GPR158: variants seen among roughly 807,000 people sequenced by gnomAD.
The protein encoded by GPR158 is G protein-coupled receptor 158, also known as metabotropic glycine receptor.
In GPR158, 30 loss-of-function variants were observed where a neutral mutation model predicts 78.2. That is an observed-to-expected ratio of 0.38 (90% CI 0.29 to 0.52). The LOEUF (loss-of-function observed/expected upper bound fraction) is 0.52. GPR158 is among the 20% of genes least tolerant of loss of function. The pLI is 0.83. For missense variants in GPR158, 1,463 were observed against 1,523.5 expected (o/e 0.96, Z 0.66); for synonymous variants, 581 against 591.1 (o/e 0.98, Z 0.25).
At chr10:25,404,868 A>T (rs1304233346) in intron 3 of GPR158, among the ~76,000 whole-genome samples, 3 of 152,090 alleles carry the variant, frequency 2.0e-5, no homozygotes. Context: ...TCAGTCATGG[A>T]AAGCTCTCCA....
intron 1 of GPR158, among the ~76,000 whole-genome samples, chr10:25,186,162 C>T (rs141498903): frequency 6.6e-6 from 1 of 152,152 alleles, no homozygotes; most frequent in Non-Finnish European, 1.5e-5. Context: ...TAAAGATGTT[C>T]TTTGAAACAA....
intron 6 of GPR158, among the ~76,000 whole-genome samples, chr10:25,565,873 G>C (rs1380207109): frequency 6.6e-6 from 1 of 152,150 alleles, no homozygotes; most frequent in African/African-American, 2.4e-5. Flanking sequence ...CCAAGTGAAA[G>C]TACAAAGCTT....
chr10:25,284,780 C>G (rs1250481603), intron 2 of GPR158, among the ~76,000 whole-genome samples: 3 of 151,760 alleles, frequency 2.0e-5, no homozygotes, highest in African/African-American at 7.3e-5. Flanking sequence ...TCCATTCTTT[C>G]AAATATTTTA....
chr10:25,487,059 A>G (rs1013134749), intron 5 of GPR158, among the ~76,000 whole-genome samples: 1 of 152,094 alleles, frequency 6.6e-6, no homozygotes, highest in Non-Finnish European at 1.5e-5. Context: ...CCCCTTTTAA[A>G]TGGGAATCAC....
At chr10:25,228,997 T>C (rs1414323688) in intron 2 of GPR158, among the ~76,000 whole-genome samples, 1 of 147,704 alleles carries the variant, frequency 6.8e-6, no homozygotes, top group Non-Finnish European at 1.5e-5. Flanking sequence ...ATCGTGCCAC[T>C]GCACTCCAGC....
chr10:25,507,792 C>T (rs1836032489), intron 5 of GPR158, among the ~76,000 whole-genome samples: 1 of 152,180 alleles, frequency 6.6e-6, no homozygotes, highest in Admixed American at 6.5e-5. Flanking sequence ...TCCTTTGACA[C>T]ACAAAAGAAG....
At chr10:25,323,543 G>C (rs1488343963) in intron 2 of GPR158, among the ~76,000 whole-genome samples, 1 of 128,084 alleles carries the variant, frequency 7.8e-6, no homozygotes, top group African/African-American at 3.3e-5. Flanking sequence ...TTTTTTTTTT[G>C]AGAAACATGG....
chr10:25,525,626 G>A (rs191142935), intron 5 of GPR158, among the ~76,000 whole-genome samples: 1 of 152,306 alleles, frequency 6.6e-6, no homozygotes, highest in Non-Finnish European at 1.5e-5. Context: ...TATAAAGACA[G>A]AAAGTAGACT....
chr10:25,271,479 C>A (rs763633083), intron 2 of GPR158, among the ~76,000 whole-genome samples: 2 of 152,002 alleles, frequency 1.3e-5, no homozygotes. Context: ...ATTGACATAC[C>A]GTCTGATTTT....
intron 4 of GPR158, among the ~76,000 whole-genome samples, chr10:25,454,790 T>C (rs1017250854): frequency 3.3e-5 from 5 of 152,192 alleles, no homozygotes; most frequent in African/African-American, 4.8e-5. Context: ...TCCTCCTCCT[T>C]CTCCTTATAA....
chr10:25,372,536 T>G (rs1451858411), intron 2 of GPR158, among the ~76,000 whole-genome samples: 1 of 146,102 alleles, frequency 6.8e-6, no homozygotes, highest in Non-Finnish European at 1.5e-5. Flanking sequence ...CCATAAAAAA[T>G]GATGAGTTCA....
chr10:25,442,406 G>A (rs1048756925), intron 4 of GPR158, among the ~76,000 whole-genome samples: 2 of 152,096 alleles, frequency 1.3e-5, no homozygotes, highest in Admixed American at 1.3e-4. Context: ...CAGCAGATGA[G>A]AATCACATAT....
intron 4 of GPR158, among the ~76,000 whole-genome samples, chr10:25,420,719 A>C (rs543517664): frequency 6.6e-6 from 1 of 152,324 alleles, no homozygotes; most frequent in South Asian, 2.1e-4. Context: ...TGTTGAAGAC[A>C]TAGTCCTTTC....
chr10:25,521,352 G>A (rs11014591), intron 5 of GPR158, among the ~76,000 whole-genome samples: 64,524 of 152,036 alleles, frequency 0.42, 13,991 homozygotes, highest in African/African-American at 0.51. Flanking sequence ...GGAGCTGTAG[G>A]CCGGAGCTGT....
At chr10:25,334,893 A>C (rs558343004) in intron 2 of GPR158, among the ~76,000 whole-genome samples, 1 of 152,152 alleles carries the variant, frequency 6.6e-6, no homozygotes, top group South Asian at 2.1e-4. Flanking sequence ...AAGTCCTTTC[A>C]AATGTGTCTT....
At chr10:25,217,414 G>A (rs1853232020) in intron 1 of GPR158, among the ~76,000 whole-genome samples, 1 of 152,150 alleles carries the variant, frequency 6.6e-6, no homozygotes, top group Non-Finnish European at 1.5e-5. Context: ...ACCACCGAAA[G>A]ACCTAGGGCC....
At chr10:25,211,063 C>T (rs994284806) in intron 1 of GPR158, among the ~76,000 whole-genome samples, 7 of 151,018 alleles carry the variant, frequency 4.6e-5, no homozygotes, top group Admixed American at 1.3e-4. Flanking sequence ...ACCAGGGAGT[C>T]GGAGGTTGCA....
chr10:25,592,903 CAAA>C (rs113359370), intron 8 of GPR158, among the ~76,000 whole-genome samples: 2 of 62,464 alleles, frequency 3.2e-5, no homozygotes, highest in African/African-American at 5.1e-5. Flanking sequence ...TATTTCAATG[CAAA>C]AAAAAAAAAA....
At chr10:25,254,409 A>G (rs772795182) in intron 2 of GPR158, among the ~76,000 whole-genome samples, 1 of 152,174 alleles carries the variant, frequency 6.6e-6, no homozygotes, top group Non-Finnish European at 1.5e-5. Flanking sequence ...CTGAAAAAAC[A>G]TAACTGCTTT....
Sources: allele counts gnomAD v4.1 joint callset (sites outside exome capture counted in the v4.1 genomes callset), GRCh38; gene constraint gnomAD v4.1.1; transcripts MANE v1.5; gene names NCBI Gene and HGNC (gene_info 2026-07-23, HGNC 2026-07-21).